SEC24D: variants seen among roughly 807,000 people sequenced by gnomAD.
The protein encoded by SEC24D is protein transport protein Sec24D.
In SEC24D, 69 loss-of-function variants were observed where a neutral mutation model predicts 116.9. That is an observed-to-expected ratio of 0.59 (90% confidence interval 0.49 to 0.72). The LOEUF (loss-of-function observed/expected upper bound fraction) is 0.72, where lower values mean the gene tolerates loss of function less well. SEC24D is among the 30% of genes least tolerant of loss of function. The pLI is 0.00. For synonymous variants in SEC24D, 405 were observed against 442.8 expected, an observed-to-expected ratio of 0.91 and a Z score of 1.07; for missense variants, 1,131 against 1,264.1, an observed-to-expected ratio of 0.89 and a Z score of 1.60.
chr4:118,815,362 A>G, intron 5 of SEC24D, 89 bp downstream of exon 5: 1 of 1,485,388 alleles, frequency 6.7e-7, no homozygotes, highest in South Asian at 1.2e-5. Context: ...TAAGTGACAG[A>G]TACCTAGTAA....
chr4:118,771,279 G>T (rs1297727561), intron 8 of SEC24D, among the ~76,000 whole-genome samples: 1 of 151,932 alleles, frequency 6.6e-6, no homozygotes, highest in Non-Finnish European at 1.5e-5. Context: ...TAAAAATTTT[G>T]TTTACAAATA....
intron 9 of SEC24D, among the ~76,000 whole-genome samples, chr4:118,767,556 A>C (rs1727697574): frequency 6.6e-6 from 1 of 152,226 alleles, no homozygotes; most frequent in Admixed American, 6.5e-5. Context: ...AAATATATAG[A>C]CATGTTATAA....
chr4:118,732,938 T>C, intron 19 of SEC24D, 26 bp from the exon 20 acceptor site: 2 of 1,590,790 alleles, frequency 1.3e-6, no homozygotes. Context: ...TTTTGTTTCA[T>C]ACGCTTGATC....
At chr4:118,766,287 C>A (rs1019383256) in intron 9 of SEC24D, among the ~76,000 whole-genome samples, 1 of 152,138 alleles carries the variant, frequency 6.6e-6, no homozygotes, top group Non-Finnish European at 1.5e-5. Flanking sequence ...TGTCTCTGAC[C>A]ACACATACTC....
intron 6 of SEC24D, among the ~76,000 whole-genome samples, chr4:118,810,114 GT>G (rs1729847829): frequency 8.7e-5 from 13 of 149,342 alleles, no homozygotes; most frequent in Non-Finnish European, 1.6e-4. Context: ...GTGTGTGTGT[GT>G]GTGTGTGTGT....
At chr4:118,820,045 T>A (rs1443933064) in intron 3 of SEC24D, among the ~76,000 whole-genome samples, 1 of 152,196 alleles carries the variant, frequency 6.6e-6, no homozygotes, top group Admixed American at 6.5e-5. Context: ...ATAGATTTGG[T>A]TTTTAAAAGC....
intron 2 of SEC24D, among the ~76,000 whole-genome samples, chr4:118,831,057 T>G (rs1338455622): frequency 6.6e-6 from 1 of 152,198 alleles, no homozygotes; most frequent in East Asian, 1.9e-4. Context: ...AGTCTCACTC[T>G]GTTCCCCAGG....
intron 6 of SEC24D, among the ~76,000 whole-genome samples, chr4:118,808,913 G>T (rs546548341): frequency 6.6e-6 from 1 of 152,112 alleles, no homozygotes; most frequent in African/African-American, 2.4e-5. Context: ...TGCAAGAAAG[G>T]CTGCTTAGCA....
At chr4:118,757,971 GA>G in intron 10 of SEC24D, 126 bp from the exon 11 acceptor site, 1 of 704,518 alleles carries the variant, frequency 1.4e-6, no homozygotes, top group Non-Finnish European at 2.2e-6. Flanking sequence ...ACCATCTGTG[GA>G]ATTAAATCAT....
At chr4:118,817,019 T>G (rs1415597272) in intron 4 of SEC24D, among the ~76,000 whole-genome samples, 1 of 152,244 alleles carries the variant, frequency 6.6e-6, no homozygotes, top group Non-Finnish European at 1.5e-5. Context: ...TTTCTTATTG[T>G]TCAATCATTG....
rs144804204 is a variant in SEC24D at position 118,739,094 on chromosome 4, C to G, written c.2377+55G>C. 8.5e-4 allele frequency: 1,355 copies of G among 1,593,274 alleles called. 23 individuals carry two copies. The East Asian group carries it at 0.027, about 32-fold the overall frequency. On this transcript the variant is annotated intron_variant, in intron 18 of 22. Transcript: ENST00000280551. Reference sequence around the variant, plus strand: ...CAGTGCTTTTTAGCTACTGACAAATCTTGACTGAATTACTAAGCAAGGTTT... The same window carrying G: ...CAGTGCTTTTTAGCTACTGACAAATGTTGACTGAATTACTAAGCAAGGTTT...
chr4:118,748,440 A>C (rs1272055277), intron 13 of SEC24D, among the ~76,000 whole-genome samples: 1 of 152,200 alleles, frequency 6.6e-6, no homozygotes, highest in African/African-American at 2.4e-5. Context: ...ATAAGTAGCA[A>C]ATTAATAAAA....
intron 9 of SEC24D, among the ~76,000 whole-genome samples, chr4:118,767,233 AAGCAACGCTCTCCCACC>A (rs754906983): frequency 2.6e-5 from 4 of 152,232 alleles, no homozygotes; most frequent in Non-Finnish European, 5.9e-5. Context: ...ATAAGAAGGC[AAGCAACGCTCTCCCACC>A]AGAGAATGCT....
Position 118,723,005 on chromosome 4 carries a change from G to T in SEC24D, c.*510C>A, listed in dbSNP as rs922060918. 2 of 152,506 alleles carry T rather than the reference G, an allele frequency of 1.3e-5. No homozygotes were observed. Among genetic ancestry groups the T allele is most frequent in the Non-Finnish European group, 2.9e-5 (2 of 68,000 alleles). 9.4% of individuals were successfully genotyped at this position (152,506 alleles called of 1,614,324 possible). On this transcript the variant is annotated 3_prime_UTR_variant, in exon 23 of 23. Coordinates refer to ENST00000280551, the MANE Select transcript of SEC24D (RefSeq NM_014822.4). ...ATGAAAAAAATGTAGAACACATATTGTTCTACCAGATAAATCCCAAGGTTA... is the reference window on the plus strand; with the variant it reads ...ATGAAAAAAATGTAGAACACATATTTTTCTACCAGATAAATCCCAAGGTTA...
At chr4:118,773,459 T>C (rs1728001347) in intron 8 of SEC24D, among the ~76,000 whole-genome samples, 1 of 152,226 alleles carries the variant, frequency 6.6e-6, no homozygotes, top group African/African-American at 2.4e-5. Context: ...TGATTTCCTA[T>C]TGTCAATGTA....
intron 22 of SEC24D, among the ~76,000 whole-genome samples, 177 bp from the exon 23 acceptor site, chr4:118,723,832 A>G (rs1019032650): frequency 3.3e-5 from 5 of 152,198 alleles, no homozygotes; most frequent in Admixed American, 3.3e-4. Context: ...TGGACCCCGA[A>G]ACCCCAAAAC....
chr4:118,828,833 C>T (rs924373079), intron 2 of SEC24D, among the ~76,000 whole-genome samples: 1 of 152,186 alleles, frequency 6.6e-6, no homozygotes, highest in Non-Finnish European at 1.5e-5. Flanking sequence ...AGTCTAAATT[C>T]CTTAAAATGA....
intron 6 of SEC24D, among the ~76,000 whole-genome samples, chr4:118,812,769 G>T (rs1489826000): frequency 6.6e-6 from 1 of 152,148 alleles, no homozygotes; most frequent in Non-Finnish European, 1.5e-5. Flanking sequence ...AAAAACCTGG[G>T]ATACAGAAAT....
chr4:118,783,436 A>T (rs1434357143), intron 8 of SEC24D, among the ~76,000 whole-genome samples: 1 of 152,220 alleles, frequency 6.6e-6, no homozygotes, highest in Admixed American at 6.5e-5. Flanking sequence ...TTAGAATGTA[A>T]GCTCCATGAG....
Sources: allele counts gnomAD v4.1 joint callset (sites outside exome capture counted in the v4.1 genomes callset), GRCh38; gene constraint gnomAD v4.1.1; transcripts MANE v1.5; gene names NCBI Gene and HGNC (gene_info 2026-07-23, HGNC 2026-07-21).